The following THSD4 variants were observed in gnomAD, a reference collection of about 807,000 sequenced individuals.
THSD4 encodes the protein thrombospondin type-1 domain-containing protein 4.
In THSD4, 69 loss-of-function variants were observed where a neutral mutation model predicts 119.0. The observed-to-expected ratio is 0.58, with a 90% CI of 0.48 to 0.71. The LOEUF (loss-of-function observed/expected upper bound fraction) is 0.71. Among genes scored for constraint, THSD4 ranks in the 30% least tolerant of loss-of-function variants. The probability of loss-of-function intolerance (pLI) is 0.00; values close to 1 mark genes in which losing one functional copy is unlikely to be tolerated. For missense variants in THSD4, 1,393 were observed against 1,391.1 expected (o/e 1.00, Z -0.02); for synonymous variants, 524 against 540.4 (o/e 0.97, Z 0.42).
At chr15:71,466,967 G>A (rs1469578603) in intron 7 of THSD4, among the ~76,000 whole-genome samples, 1 of 152,206 alleles carries the variant, frequency 6.6e-6, no homozygotes, top group African/African-American at 2.4e-5. Flanking sequence ...CCTCTAATCC[G>A]GTGTCCCCTG....
intron 6 of THSD4, among the ~76,000 whole-genome samples, chr15:71,374,325 C>T (rs565905080): frequency 6.6e-6 from 1 of 152,308 alleles, no homozygotes; most frequent in Non-Finnish European, 1.5e-5. Flanking sequence ...CTGTCGAGCA[C>T]TCAGTATGCA....
chr15:71,202,751 T>C (rs896779494), intron 3 of THSD4, among the ~76,000 whole-genome samples: 7 of 152,086 alleles, frequency 4.6e-5, no homozygotes, highest in Non-Finnish European at 8.8e-5. Flanking sequence ...CTTGACATGC[T>C]GCTAGCAACC....
rs539206977 is a variant in THSD4, at chr15:71,709,033, G to A, written c.1358-19516G>A. On this transcript the variant is annotated intron_variant, in intron 8 of 17. Transcript: ENST00000261862. ...GTGCAGTTACGTGGGAGGTAGAGTC[G>A]CGTGGTGTACAGATCACAAAATGGA... 1.4e-4 allele frequency among the ~76,000 whole-genome samples: 22 copies of A among 152,282 alleles called. No homozygotes were observed. The South Asian group carries it at 3.7e-3, about 26-fold the overall frequency.
At chr15:71,313,803 G>A (rs1005081930) in intron 6 of THSD4, among the ~76,000 whole-genome samples, 1 of 152,102 alleles carries the variant, frequency 6.6e-6, no homozygotes, top group African/African-American at 2.4e-5. Flanking sequence ...GGTTTGTACC[G>A]ACTGGGGGCT....
intron 7 of THSD4, among the ~76,000 whole-genome samples, chr15:71,557,121 A>G (rs999179258): frequency 6.6e-6 from 1 of 152,190 alleles, no homozygotes; most frequent in Non-Finnish European, 1.5e-5. Flanking sequence ...CTGTAAGTTT[A>G]TGCTTGTATT....
At chr15:71,407,926 G>C (rs12439393) in intron 6 of THSD4, among the ~76,000 whole-genome samples, 14 of 151,992 alleles carry the variant, frequency 9.2e-5, no homozygotes, top group African/African-American at 3.1e-4. Flanking sequence ...GACCACAGTA[G>C]GAACCACTGC....
intron 7 of THSD4, among the ~76,000 whole-genome samples, chr15:71,631,411 G>T (rs560670717): frequency 6.6e-6 from 1 of 152,170 alleles, no homozygotes; most frequent in East Asian, 1.9e-4. Flanking sequence ...AGGAAAGGCC[G>T]AGAATGACAA....
chr15:71,124,392 A>G (rs1050489103), intron 1 of THSD4, among the ~76,000 whole-genome samples: 2 of 152,244 alleles, frequency 1.3e-5, no homozygotes, highest in Non-Finnish European at 2.9e-5. Flanking sequence ...AAACAGGCAG[A>G]GGGTCAGGTT....
At position 71,339,770 on chromosome 15, in the gene THSD4, CT is replaced by C. The variant is rs919155517; in HGVS notation, c.1016-71905del. Among the ~76,000 whole-genome samples, 381 of 146,526 alleles carry C rather than the reference CT, an allele frequency of 2.6e-3. 3 individuals carry two copies. Among genetic ancestry groups the C allele is most frequent in the African/African-American group, 7.6e-3 (304 of 40,210 alleles). Reference sequence around the variant, plus strand: ...CAGATAAGTGCTCAGTAAGTTTTAACTTTTTTTTTTTTGAGATGGAGTCTTA... The same window carrying C: ...CAGATAAGTGCTCAGTAAGTTTTAACTTTTTTTTTTTGAGATGGAGTCTTA... On this transcript the variant is annotated intron_variant, in intron 6 of 17. Transcript: ENST00000261862.
rs888089622 is a variant in THSD4 at position 71,218,647 on chromosome 15, G to A, written c.464+3248G>A. Reference sequence around the variant, plus strand: ...TGCCTACATATGTCATGCTCCTCCCGGCTGATGAAAATCACATTTGCTTAT... The same window carrying A: ...TGCCTACATATGTCATGCTCCTCCCAGCTGATGAAAATCACATTTGCTTAT... On this transcript the variant is annotated intron_variant, in intron 4 of 17. Coordinates refer to ENST00000261862, the MANE Select transcript of THSD4 (RefSeq NM_024817.3). Among the ~76,000 whole-genome samples, 4 of 152,084 alleles carry A rather than the reference G, an allele frequency of 2.6e-5. No individual in the cohort carries two copies. The East Asian group carries it at 5.8e-4, about 22-fold the overall frequency.
In THSD4 at chr15:71,525,534, A is replaced by G. The variant is rs138194912; in HGVS notation, c.1152+113711A>G. On this transcript the variant is annotated intron_variant, in intron 7 of 17. Transcript: ENST00000261862. The stretch of plus-strand genomic sequence containing the variant: ...CACAGATGCGTTTATTCAAACTATG[A>G]GTTGAGAGTCAGTTATACAGATGTA... 3.4e-3 allele frequency among the ~76,000 whole-genome samples: 516 copies of G among 152,324 alleles called. 6 individuals carry two copies. Among genetic ancestry groups the G allele is most frequent in the African/African-American group, 0.012 (486 of 41,572 alleles).
chr15:71,347,369 C>CTA (rs1441397735), intron 6 of THSD4, among the ~76,000 whole-genome samples: 1 of 152,200 alleles, frequency 6.6e-6, no homozygotes, highest in Non-Finnish European at 1.5e-5. Context: ...TGGATGCCAT[C>CTA]TCCCTGCCAC....
At chr15:71,641,244 C>T (rs2050852581) in intron 7 of THSD4, among the ~76,000 whole-genome samples, 1 of 152,150 alleles carries the variant, frequency 6.6e-6, no homozygotes, top group South Asian at 2.1e-4. Context: ...GTTTCCCAAT[C>T]ACTACGTGGG....
chr15:71,282,056 A>G (rs2044659277), intron 6 of THSD4, among the ~76,000 whole-genome samples: 1 of 152,220 alleles, frequency 6.6e-6, no homozygotes, highest in African/African-American at 2.4e-5. Context: ...AATAGTTCCT[A>G]CACCTGACAC....
intron 6 of THSD4, among the ~76,000 whole-genome samples, chr15:71,295,160 T>C (rs996615969): frequency 1.3e-5 from 2 of 152,312 alleles, no homozygotes; most frequent in East Asian, 3.9e-4. Flanking sequence ...ATCTCCTACC[T>C]GGATTACTCA....
intron 7 of THSD4, among the ~76,000 whole-genome samples, chr15:71,543,951 A>T (rs1216972441): frequency 6.6e-6 from 1 of 152,138 alleles, no homozygotes; most frequent in Admixed American, 6.5e-5. Flanking sequence ...TTGTTTGAAC[A>T]CAGGAGGCAG....
At chr15:71,341,951 G>A (rs1232512450) in intron 6 of THSD4, among the ~76,000 whole-genome samples, 2 of 152,006 alleles carry the variant, frequency 1.3e-5, no homozygotes, top group East Asian at 3.9e-4. Flanking sequence ...CCAATTGAAA[G>A]CCAAGAAGAC....
At chr15:71,693,115 G>T (rs1317647021) in intron 8 of THSD4, among the ~76,000 whole-genome samples, 1 of 152,134 alleles carries the variant, frequency 6.6e-6, no homozygotes, top group African/African-American at 2.4e-5. Flanking sequence ...ATTTCAGGAT[G>T]TGGGGAGGGT....
At chr15:71,683,007 AC>A (rs140477579) in intron 8 of THSD4, among the ~76,000 whole-genome samples, 1 of 142,372 alleles carries the variant, frequency 7.0e-6, no homozygotes, top group African/African-American at 2.7e-5. Flanking sequence ...TGCAGCCTCA[AC>A]CCCCCTGGGC....
Sources: gnomAD v4.1 joint callset for allele counts (sites outside exome capture counted in the v4.1 genomes callset) on GRCh38, gnomAD v4.1.1 for gene constraint, MANE v1.5 for transcripts, NCBI Gene and HGNC (gene_info 2026-07-23, HGNC 2026-07-21) for gene names.